ITGAV: variants seen among roughly 807,000 people sequenced by gnomAD.
The protein encoded by ITGAV is integrin alpha-V.
A neutral mutation model predicts 143.8 loss-of-function variants in ITGAV; 76 were observed. The ratio of observed to expected loss-of-function variants is 0.53; its 90% CI spans 0.44 to 0.64. ITGAV has a LOEUF of 0.64. Among genes scored for constraint, ITGAV ranks in the 30% least tolerant of loss-of-function variants. The pLI, the probability that ITGAV is intolerant of heterozygous loss-of-function variation, is 0.00. For synonymous variants in ITGAV, 453 were observed against 446.7 expected (o/e 1.01, Z -0.18); for missense variants, 1,193 against 1,274.7 (o/e 0.94, Z 0.98).
At chr2:186,605,411 A>C (rs1445337497) in intron 2 of ITGAV, among the ~76,000 whole-genome samples, 2 of 152,174 alleles carry the variant, frequency 1.3e-5, no homozygotes, top group Non-Finnish European at 2.9e-5. Context: ...AATTGCTCAG[A>C]TATTATCTTC....
intron 2 of ITGAV, among the ~76,000 whole-genome samples, chr2:186,617,857 C>T (rs1411924733): frequency 6.6e-6 from 1 of 152,102 alleles, no homozygotes; most frequent in Non-Finnish European, 1.5e-5. Context: ...CTATTCTTGG[C>T]TGTTGCCGGA....
intron 1 of ITGAV, among the ~76,000 whole-genome samples, chr2:186,598,930 C>T (rs1343379045): frequency 1.3e-5 from 2 of 152,090 alleles, no homozygotes; most frequent in East Asian, 1.9e-4. Context: ...AGATAAGTGT[C>T]AGAAAGCAGG....
chr2:186,679,473 A>T lies in ITGAV; in HGVS notation c.*2181A>T, dbSNP rs1329887610. 7.0e-6 allele frequency: 1 copy of T among 143,806 alleles called. No homozygotes were observed. The highest frequency in any genetic ancestry group is 1.5e-5 in the Non-Finnish European group (1 of 64,902). The allele number at this position is 143,806 out of a possible 1,614,324, so 8.9% of individuals were successfully genotyped here. ...ATGGAGAAGAGTAATTTGAAAGCCT[A>T]CTTTCTGAAGAAAATGGTGGGATTT... On this transcript the variant is annotated 3_prime_UTR_variant, in exon 30 of 30. Transcript: ENST00000261023.
At chr2:186,627,835 A>G (rs913115514) in intron 4 of ITGAV, among the ~76,000 whole-genome samples, 2 of 152,202 alleles carry the variant, frequency 1.3e-5, no homozygotes, top group African/African-American at 2.4e-5. Context: ...GGAAAAGCTT[A>G]AAGAACAGTC....
intron 5 of ITGAV, among the ~76,000 whole-genome samples, chr2:186,632,091 G>A (rs1272101948): frequency 6.6e-6 from 1 of 151,746 alleles, no homozygotes; most frequent in African/African-American, 2.4e-5. Context: ...TCTAGACTAG[G>A]TACTGATAAT....
chr2:186,616,476 C>T (rs1346299622), intron 2 of ITGAV, among the ~76,000 whole-genome samples: 2 of 151,626 alleles, frequency 1.3e-5, no homozygotes, highest in African/African-American at 2.4e-5. Flanking sequence ...GACGGGGTTT[C>T]ACCGTGTTAG....
intron 2 of ITGAV, among the ~76,000 whole-genome samples, chr2:186,608,181 C>T (rs1456768983): frequency 6.6e-6 from 1 of 152,146 alleles, no homozygotes; most frequent in Non-Finnish European, 1.5e-5. Context: ...ATGTCTGGTT[C>T]TGTCCTGCTG....
chr2:186,669,034 C>A, intron 25 of ITGAV, 114 bp downstream of exon 25: 2 of 933,382 alleles, frequency 2.1e-6, no homozygotes, highest in Non-Finnish European at 3.2e-6. Flanking sequence ...ACCCACTCTG[C>A]AAAAAATGGT....
At chr2:186,625,736 A>G (rs775793801) in intron 4 of ITGAV, 149 bp downstream of exon 4, 26 of 462,934 alleles carry the variant, frequency 5.6e-5, no homozygotes, top group African/African-American at 8.0e-5. Flanking sequence ...AATGAAAACA[A>G]TCCTACTAAT....
chr2:186,600,117 A>G (rs947116651), intron 1 of ITGAV: 23 of 489,770 alleles, frequency 4.7e-5, no homozygotes, highest in African/African-American at 4.0e-4. Context: ...ACCATGGCCA[A>G]AAGGCCCTAT....
intron 6 of ITGAV, among the ~76,000 whole-genome samples, chr2:186,633,879 G>A (rs904661664): frequency 6.6e-6 from 1 of 151,978 alleles, no homozygotes; most frequent in Non-Finnish European, 1.5e-5. Context: ...CTTAAAAATT[G>A]AAGCTGGGCA....
chr2:186,614,402 G>T (rs1467063695), intron 2 of ITGAV, among the ~76,000 whole-genome samples: 2 of 151,916 alleles, frequency 1.3e-5, no homozygotes, highest in Non-Finnish European at 2.9e-5. Context: ...ATGCTTATTA[G>T]TCTTAGTTCA....
chr2:186,638,135 A>G (rs1378017913), intron 8 of ITGAV, 142 bp from the exon 9 acceptor site: 1 of 687,148 alleles, frequency 1.5e-6, no homozygotes, highest in Non-Finnish European at 2.5e-6. Context: ...GCTATTTATT[A>G]CGGAGTACCA....
chr2:186,593,318 A>G (rs1377144778), intron 1 of ITGAV, among the ~76,000 whole-genome samples: 2 of 152,188 alleles, frequency 1.3e-5, no homozygotes, highest in Non-Finnish European at 2.9e-5. Flanking sequence ...TTAATGAATC[A>G]ATATTTATTA....
At chr2:186,662,405 A>G (rs934783562) in intron 18 of ITGAV, among the ~76,000 whole-genome samples, 4 of 151,946 alleles carry the variant, frequency 2.6e-5, no homozygotes, top group African/African-American at 9.7e-5. Context: ...TGTCCAATAT[A>G]TAGCCACTTG....
intron 8 of ITGAV, 52 bp from the exon 9 acceptor site, chr2:186,638,225 A>G (rs1688000629): frequency 2.6e-6 from 4 of 1,537,570 alleles, no homozygotes; most frequent in Non-Finnish European, 3.6e-6. Flanking sequence ...CTGGTCTGCA[A>G]CTTCCAGTGT....
chr2:186,620,068 C>G (rs992725607), intron 2 of ITGAV, among the ~76,000 whole-genome samples: 1 of 152,128 alleles, frequency 6.6e-6, no homozygotes, highest in African/African-American at 2.4e-5. Flanking sequence ...TTATAGTGAA[C>G]AACTCACAAT....
At chr2:186,590,701 T>C (rs1686592770) in intron 1 of ITGAV, among the ~76,000 whole-genome samples, 178 bp downstream of exon 1, 1 of 152,198 alleles carries the variant, frequency 6.6e-6, no homozygotes, top group African/African-American at 2.4e-5. Context: ...ATGAACTCCC[T>C]TTGGTACCCA....
intron 21 of ITGAV, 65 bp downstream of exon 21, chr2:186,665,283 C>T: frequency 9.8e-7 from 1 of 1,020,280 alleles, no homozygotes; most frequent in Non-Finnish European, 1.5e-6. Flanking sequence ...GTTGTCTGGG[C>T]TCATAGTAAT....
Sources: allele counts gnomAD v4.1 joint callset (sites outside exome capture counted in the v4.1 genomes callset), GRCh38; gene constraint gnomAD v4.1.1; transcripts MANE v1.5; gene names NCBI Gene and HGNC (gene_info 2026-07-23, HGNC 2026-07-21).